GRID2: variants seen among roughly 807,000 people sequenced by gnomAD.
GRID2 encodes the protein glutamate ionotropic receptor delta type subunit 2.
Under a neutral mutation model 114.8 loss-of-function variants are expected in GRID2, and 33 were observed. The ratio of observed to expected loss-of-function variants is 0.29; its 90% CI spans 0.22 to 0.38. GRID2 has a LOEUF of 0.38. GRID2 is among the 10% of genes least tolerant of loss of function. The pLI is 1.00. For missense variants in GRID2, 1,184 were observed against 1,257.7 expected (o/e 0.94, Z 0.89); for synonymous variants, 505 against 449.9 (o/e 1.12, Z -1.55).
intron 13 of GRID2, among the ~76,000 whole-genome samples, chr4:93,590,187 G>T (rs369773862): frequency 8.0e-5 from 12 of 150,862 alleles, no homozygotes; most frequent in African/African-American, 2.7e-4. Flanking sequence ...ATGGTTTTAG[G>T]TCTAACGTTT....
intron 13 of GRID2, among the ~76,000 whole-genome samples, chr4:93,554,319 T>G (rs1734085058): frequency 6.6e-6 from 1 of 152,214 alleles, no homozygotes; most frequent in African/African-American, 2.4e-5. Flanking sequence ...TTTATCCCAA[T>G]TCTCATTACA....
chr4:93,594,233 G>A (rs1284496706), intron 13 of GRID2, among the ~76,000 whole-genome samples: 1 of 151,928 alleles, frequency 6.6e-6, no homozygotes, highest in Admixed American at 6.6e-5. Context: ...TGGGTTTTTG[G>A]TGTGGATGTC....
At chr4:93,373,641 T>A (rs1403203787) in intron 8 of GRID2, among the ~76,000 whole-genome samples, 1 of 152,214 alleles carries the variant, frequency 6.6e-6, no homozygotes, top group Non-Finnish European at 1.5e-5. Flanking sequence ...ACTGAATCTT[T>A]GCTGTAATAG....
chr4:93,051,967 G>A (rs1028115354), intron 2 of GRID2, among the ~76,000 whole-genome samples: 2 of 151,588 alleles, frequency 1.3e-5, no homozygotes, highest in Non-Finnish European at 2.9e-5. Flanking sequence ...TCCCTGATCT[G>A]TCTTGAACAA....
chr4:93,195,937 G>A (rs1245237101), intron 4 of GRID2, among the ~76,000 whole-genome samples: 3 of 152,032 alleles, frequency 2.0e-5, no homozygotes, highest in African/African-American at 7.2e-5. Context: ...ATCACAAATG[G>A]GCTCCTTTGT....
At chr4:92,757,771 A>G (rs1459774745) in intron 2 of GRID2, among the ~76,000 whole-genome samples, 2 of 152,044 alleles carry the variant, frequency 1.3e-5, no homozygotes, top group Non-Finnish European at 2.9e-5. Context: ...GATGTTTTCT[A>G]TAGGCTAAAA....
chr4:92,636,339 A>C (rs1395238369), intron 2 of GRID2, among the ~76,000 whole-genome samples: 1 of 151,986 alleles, frequency 6.6e-6, no homozygotes, highest in Non-Finnish European at 1.5e-5. Flanking sequence ...TGCCTCTAAA[A>C]TGTGTGCATT....
chr4:93,406,386 T>A (rs2149345211), intron 9 of GRID2, among the ~76,000 whole-genome samples: 1 of 152,242 alleles, frequency 6.6e-6, no homozygotes, highest in African/African-American at 2.4e-5. Flanking sequence ...GTTTACGAAG[T>A]AGAGATCAGA....
At chr4:92,808,847 T>A (rs1282316845) in intron 2 of GRID2, among the ~76,000 whole-genome samples, 5 of 151,776 alleles carry the variant, frequency 3.3e-5, no homozygotes, top group Non-Finnish European at 7.4e-5. Flanking sequence ...ACTTATATTC[T>A]CAGTTGGATA....
chr4:93,460,811 C>T (rs1398409334), intron 11 of GRID2, among the ~76,000 whole-genome samples: 1 of 152,092 alleles, frequency 6.6e-6, no homozygotes, highest in Non-Finnish European at 1.5e-5. Context: ...CTAAAATTAT[C>T]CACAAATGAC....
intron 12 of GRID2, among the ~76,000 whole-genome samples, chr4:93,495,213 C>A (rs1727407959): frequency 6.6e-6 from 1 of 151,686 alleles, no homozygotes. Flanking sequence ...GCCACTGAAT[C>A]TAACTAATAT....
At chr4:93,144,231 A>G (rs147792216) in intron 4 of GRID2, among the ~76,000 whole-genome samples, 174 of 152,294 alleles carry the variant, frequency 1.1e-3, no homozygotes, top group African/African-American at 3.8e-3. Flanking sequence ...GATGAAGCTG[A>G]TGAAGATGAC....
At chr4:93,739,621 A>C (rs1476251790) in intron 14 of GRID2, among the ~76,000 whole-genome samples, 1 of 152,138 alleles carries the variant, frequency 6.6e-6, no homozygotes, top group African/African-American at 2.4e-5. Flanking sequence ...CCTAATTTGA[A>C]GGAAAAGTTG....
At chr4:92,338,470 TTAAG>T (rs939798024) in intron 1 of GRID2, among the ~76,000 whole-genome samples, 50 of 152,228 alleles carry the variant, frequency 3.3e-4, no homozygotes, top group Admixed American at 9.2e-4. Flanking sequence ...TTATGATAGT[TTAAG>T]TAAGCACAAA....
chr4:92,550,313 T>C (rs1726518865), intron 1 of GRID2, among the ~76,000 whole-genome samples: 1 of 152,202 alleles, frequency 6.6e-6, no homozygotes, highest in Admixed American at 6.5e-5. Flanking sequence ...AAGTATAGAA[T>C]AATTTCCATC....
At chr4:93,116,427 G>A (rs1733266734) in intron 4 of GRID2, among the ~76,000 whole-genome samples, 1 of 152,120 alleles carries the variant, frequency 6.6e-6, no homozygotes. Flanking sequence ...GTACAACAAA[G>A]TATTAAGATA....
chr4:92,918,958 T>A (rs1749061171), intron 2 of GRID2, among the ~76,000 whole-genome samples: 1 of 152,192 alleles, frequency 6.6e-6, no homozygotes, highest in Non-Finnish European at 1.5e-5. Context: ...CTGGTAGAAT[T>A]CAGCTGTGAA....
In GRID2 at chr4:92,582,922, G is replaced by C. The variant is rs143100529; in HGVS notation, c.89-7209G>C. ...GGATCAGGTGAGTCGGGGAGATTGA[G>C]ACTGCAGTGAGCCATGGCTGTATAA... On this transcript the variant is annotated intron_variant, in intron 1 of 15. Coordinates refer to ENST00000282020, the MANE Select transcript of GRID2 (RefSeq NM_001510.4). 1.5e-3 allele frequency among the ~76,000 whole-genome samples: 225 copies of C among 152,110 alleles called. 1 individual carries two copies. Among genetic ancestry groups the C allele is most frequent in the African/African-American group, 5.2e-3 (217 of 41,518 alleles).
chr4:93,313,496 GTTCA>G (rs1756246213), intron 8 of GRID2, among the ~76,000 whole-genome samples: 1 of 152,172 alleles, frequency 6.6e-6, no homozygotes, highest in Non-Finnish European at 1.5e-5. Context: ...AGAGGATATA[GTTCA>G]TTGTTAACAA....
Sources: allele counts gnomAD v4.1 joint callset (sites outside exome capture counted in the v4.1 genomes callset), GRCh38; gene constraint gnomAD v4.1.1; transcripts MANE v1.5; gene names NCBI Gene and HGNC (gene_info 2026-07-23, HGNC 2026-07-21).